Variants in PCDH11X observed in about 807,000 individuals in gnomAD.
PCDH11X encodes protocadherin-11 X-linked.
In PCDH11X, 18 loss-of-function variants were observed where a neutral mutation model predicts 53.3. That is an observed-to-expected ratio of 0.34 (90% confidence interval 0.23 to 0.50). The LOEUF (loss-of-function observed/expected upper bound fraction) is 0.50, where lower values mean the gene tolerates loss of function less well. PCDH11X is among the 20% of genes least tolerant of loss of function. The pLI is 0.98. For missense variants in PCDH11X, 570 were observed against 1,032.4 expected (o/e 0.55, Z 6.14); for synonymous variants, 279 against 393.3 (o/e 0.71, Z 3.44).
At chrX:92,485,900 T>C (rs914807333) in intron 10 of PCDH11X, among the ~76,000 whole-genome samples, 2 of 110,983 alleles carry the variant, frequency 1.8e-5, no homozygotes, top group African/African-American at 3.3e-5. Flanking sequence ...TTTTATGTAG[T>C]AGAACACAGG....
At chrX:92,513,627 T>C (rs1213986539) in intron 10 of PCDH11X, among the ~76,000 whole-genome samples, 2 of 108,457 alleles carry the variant, frequency 1.8e-5, no homozygotes, top group East Asian at 5.8e-4. Context: ...GATTCACTTA[T>C]GTCAACATTT....
chrX:92,519,521 C>T (rs941980912), intron 10 of PCDH11X, among the ~76,000 whole-genome samples: 2 of 107,463 alleles, frequency 1.9e-5, no homozygotes, highest in Non-Finnish European at 1.9e-5. Context: ...TGACTATGAA[C>T]TCATCTATCA....
chrX:92,460,597 G>A, intron 9 of PCDH11X: 2 of 805,099 alleles, frequency 2.5e-6, no homozygotes, highest in Non-Finnish European at 3.7e-6. Flanking sequence ...TGGACTCCAT[G>A]AGAAATCTGA....
At chrX:92,230,573 AAT>A (rs2067057075) in intron 7 of PCDH11X, among the ~76,000 whole-genome samples, 1 of 95,235 alleles carries the variant, frequency 1.1e-5, no homozygotes, top group Admixed American at 1.3e-4. Context: ...ATACATATAT[AAT>A]ATATATAATA....
At chrX:91,987,381 C>T (rs1161210273) in intron 6 of PCDH11X, among the ~76,000 whole-genome samples, 1 of 111,970 alleles carries the variant, frequency 8.9e-6, no homozygotes, top group Admixed American at 9.5e-5. Flanking sequence ...CACACTCGAC[C>T]CAGACATATT....
chrX:91,926,779 G>A (rs1941962541), intron 6 of PCDH11X, among the ~76,000 whole-genome samples: 1 of 110,981 alleles, frequency 9.0e-6, no homozygotes, highest in Non-Finnish European at 1.9e-5. Flanking sequence ...AGGGTCATTA[G>A]CATATTTATA....
At chrX:92,422,464 A>G (rs1434545257) in intron 9 of PCDH11X, among the ~76,000 whole-genome samples, 1 of 109,766 alleles carries the variant, frequency 9.1e-6, no homozygotes, top group Non-Finnish European at 1.9e-5. Context: ...CTCCAATTCC[A>G]TCCTGATTGC....
chrX:92,048,259 A>T (rs2063321198), intron 6 of PCDH11X, among the ~76,000 whole-genome samples: 1 of 105,896 alleles, frequency 9.4e-6, no homozygotes, highest in South Asian at 4.2e-4. Context: ...AAAAAAACCG[A>T]CTTTCTCTCT....
chrX:91,930,237 G>A (rs1307050609), intron 6 of PCDH11X, among the ~76,000 whole-genome samples: 11 of 108,314 alleles, frequency 1.0e-4, no homozygotes, highest in Non-Finnish European at 1.7e-4. Context: ...GTAGTAATAG[G>A]TAGAAATCTA....
At chrX:92,490,196 C>T (rs911977993) in intron 10 of PCDH11X, among the ~76,000 whole-genome samples, 73 of 104,703 alleles carry the variant, frequency 7.0e-4, no homozygotes, top group Non-Finnish European at 6.5e-4. Context: ...TAGGAGAGAT[C>T]CTTGTCCTGA....
At chrX:91,790,801 A>C (rs2147519687) in intron 1 of PCDH11X, among the ~76,000 whole-genome samples, 1 of 111,621 alleles carries the variant, frequency 9.0e-6, no homozygotes, top group Non-Finnish European at 1.9e-5. Context: ...CAGAAACAGT[A>C]TCAAGTTAAA....
At chrX:92,296,443 TTG>T (rs1167068265) in intron 8 of PCDH11X, among the ~76,000 whole-genome samples, 1 of 104,911 alleles carries the variant, frequency 9.5e-6, no homozygotes, top group African/African-American at 3.5e-5. Flanking sequence ...GTCCCCTTCT[TTG>T]TGTTCTTGTG....
chrX:92,459,859 G>A lies in PCDH11X; in HGVS notation c.3344-8440G>A, dbSNP rs183542660. ...TGGCATGGGGCCTGGGGGCCTGGCC[G>A]CGGGGATGGCTGGGGGTCTGGCAGG... On this transcript the variant is annotated intron_variant, in intron 9 of 10. Coordinates refer to ENST00000682573, the MANE Select transcript of PCDH11X (RefSeq NM_032968.5). 9.4e-3 allele frequency: 10,385 copies of A among 1,110,521 alleles called. 79 individuals carry two copies. The highest frequency in any genetic ancestry group is 0.049 in the African/African-American group (2,718 of 55,581). 91.5% of individuals were successfully genotyped at this position (1,110,521 alleles called of 1,213,427 possible). A position where few individuals can be genotyped will look rare whatever the true frequency, so the allele number is the denominator to read the frequency against.
chrX:92,255,914 G>A (rs759938722), intron 7 of PCDH11X, among the ~76,000 whole-genome samples: 1 of 112,657 alleles, frequency 8.9e-6, no homozygotes, highest in Non-Finnish European at 1.9e-5. Flanking sequence ...CCCCAGAGGT[G>A]GAGCCTACAG....
At chrX:91,969,634 A>G (rs1357568189) in intron 6 of PCDH11X, among the ~76,000 whole-genome samples, 2 of 108,167 alleles carry the variant, frequency 1.8e-5, no homozygotes, top group Non-Finnish European at 3.8e-5. Context: ...CTCCTTCTCT[A>G]CAAAAAATAA....
At chrX:91,967,600 G>A (rs1198153945) in intron 6 of PCDH11X, among the ~76,000 whole-genome samples, 17 of 109,055 alleles carry the variant, frequency 1.6e-4, no homozygotes, top group Non-Finnish European at 3.1e-4. Context: ...AAAAGGTTGG[G>A]GACCACTGTG....
At chrX:92,332,091 A>G (rs898606349) in intron 8 of PCDH11X, among the ~76,000 whole-genome samples, 2 of 111,771 alleles carry the variant, frequency 1.8e-5, no homozygotes, top group African/African-American at 6.5e-5. Flanking sequence ...AAACTGTTAA[A>G]GATGCCCTAT....
intron 6 of PCDH11X, among the ~76,000 whole-genome samples, chrX:91,985,032 G>T (rs1336817839): frequency 9.0e-6 from 1 of 111,316 alleles, no homozygotes; most frequent in African/African-American, 3.3e-5. Flanking sequence ...TTGATGTCAG[G>T]ACTTTTTTTG....
chrX:92,365,521 T>G (rs1370869019), intron 8 of PCDH11X, among the ~76,000 whole-genome samples: 1 of 110,482 alleles, frequency 9.1e-6, no homozygotes, highest in Non-Finnish European at 1.9e-5. Flanking sequence ...GGATTACAGG[T>G]GTGAACCACC....
Sources: gnomAD v4.1 joint callset for allele counts (sites outside exome capture counted in the v4.1 genomes callset) on GRCh38, gnomAD v4.1.1 for gene constraint, MANE v1.5 for transcripts, NCBI Gene and HGNC (gene_info 2026-07-23, HGNC 2026-07-21) for gene names.